VWA5B1: variants seen among roughly 807,000 people sequenced by gnomAD.
The protein encoded by VWA5B1 is von Willebrand factor A domain-containing protein 5B1.
VWA5B1 carries 115 observed loss-of-function variants against 118.2 expected under a neutral mutation model. That is an observed-to-expected ratio of 0.97 (90% CI 0.84 to 1.14). The LOEUF (loss-of-function observed/expected upper bound fraction) is 1.14. Among genes scored for constraint, VWA5B1 ranks in the 50% most tolerant of loss-of-function variants. VWA5B1 has a pLI of 0.00. For synonymous variants in VWA5B1, 682 were observed against 658.4 expected (o/e 1.04, Z -0.55); for missense variants, 1,596 against 1,603.8 (o/e 1.00, Z 0.08).
chr1:20,337,968 T>A (rs2089769426), intron 14 of VWA5B1, 132 bp downstream of exon 14: 5 of 1,172,874 alleles, frequency 4.3e-6, no homozygotes, highest in Non-Finnish European at 6.2e-6. Context: ...CCTCTTTCCT[T>A]CCCTAGGCCT....
chr1:20,290,969 G>C lies in VWA5B1; in HGVS notation c.-146G>C, dbSNP rs1023936352. ...CAGCTGCCAGGGCAGCGGGCGCAGGGCTTGGGCACTGGAGCCCAGCCCCGG... is the reference window on the plus strand; with the variant it reads ...CAGCTGCCAGGGCAGCGGGCGCAGGCCTTGGGCACTGGAGCCCAGCCCCGG... On this transcript the variant is annotated 5_prime_UTR_variant, in exon 1 of 22. Coordinates refer to ENST00000289815, the MANE Select transcript of VWA5B1 (RefSeq NM_001039500.3). 2 of 152,230 alleles carry C rather than the reference G, an allele frequency of 1.3e-5. No homozygotes were observed. Among genetic ancestry groups the C allele is most frequent in the African/African-American group, 4.8e-5 (2 of 41,576 alleles). 9.4% of individuals were successfully genotyped at this position (152,230 alleles called of 1,614,324 possible).
Position 20,312,782 on chromosome 1 carries a change from G to T in VWA5B1, c.140-54G>T, listed in dbSNP as rs761867354. On this transcript the variant is annotated intron_variant, in intron 2 of 21. Coordinates refer to ENST00000289815, the MANE Select transcript of VWA5B1 (RefSeq NM_001039500.3). ...AGGGTTCAGGTTCCTTCCAGGCAAGGGGTGTGCAGGGTAGGCCTGGGGCAC... is the reference window on the plus strand; with the variant it reads ...AGGGTTCAGGTTCCTTCCAGGCAAGTGGTGTGCAGGGTAGGCCTGGGGCAC... 3 of 1,492,310 alleles carry T rather than the reference G, an allele frequency of 2.0e-6. No homozygotes were observed. In the Admixed American group the frequency reaches 6.5e-5, roughly 32 times the overall value. 92.4% of individuals were successfully genotyped at this position (1,492,310 alleles called of 1,614,324 possible). A position where few individuals can be genotyped will look rare whatever the true frequency, so the allele number is the denominator to read the frequency against.
rs946211432 is a variant in VWA5B1 at position 20,356,167 on chromosome 1, G to C, written c.*1904G>C. ...GCAGCAGCCTCAGCTTCAGGGTAAG[G>C]GTGGCCGGGGGTGGCATCTACTTCC... On this transcript the variant is annotated 3_prime_UTR_variant, in exon 22 of 22. Coordinates refer to ENST00000289815, the MANE Select transcript of VWA5B1 (RefSeq NM_001039500.3). Among the ~76,000 whole-genome samples, 4 of 152,172 alleles carry C rather than the reference G, an allele frequency of 2.6e-5. No homozygotes were observed. Among genetic ancestry groups the C allele is most frequent in the Non-Finnish European group, 4.4e-5 (3 of 68,032 alleles).
chr1:20,346,751 C>T (rs1225442665), intron 17 of VWA5B1, among the ~76,000 whole-genome samples: 2 of 152,152 alleles, frequency 1.3e-5, no homozygotes, highest in African/African-American at 4.8e-5. Context: ...ACTATTTGTG[C>T]TTTTTTTGTT....
At position 20,312,902 on chromosome 1, in the gene VWA5B1, G is replaced by A. The variant is rs771288297; in HGVS notation, c.206G>A (p.Arg69His). The A allele has an allele frequency of 2.5e-5, 39 of 1,551,574 alleles. No homozygotes were observed. The highest frequency in any genetic ancestry group is 1.9e-4 in the South Asian group (16 of 84,054). The change falls in exon 3 of 22, where the codon CGT becomes CAT. Residue 69 changes from arginine (R) to histidine (H), a missense_variant. Transcript: ENST00000289815. ...GGCTTTGAGGCAGTCATTGCCGACC[G>A]TGTCGTGACAGTACAGATCAAGGAC... ...VIGFEAVIAD[R>H]VVTVQIKDKA... is the part of the protein sequence containing the mutation.
At chr1:20,301,960 C>A (rs1415927780) in intron 1 of VWA5B1, among the ~76,000 whole-genome samples, 1 of 152,206 alleles carries the variant, frequency 6.6e-6, no homozygotes, top group Admixed American at 6.5e-5. Flanking sequence ...AAACCACTTC[C>A]TCGTTGATCT....
intron 1 of VWA5B1, among the ~76,000 whole-genome samples, chr1:20,302,611 C>G (rs1270758885): frequency 6.6e-6 from 1 of 152,186 alleles, no homozygotes; most frequent in East Asian, 1.9e-4. Flanking sequence ...CTAGCAGTGT[C>G]TGGCACAGAG....
At chr1:20,340,875 T>C (rs910848161) in intron 14 of VWA5B1, among the ~76,000 whole-genome samples, 1 of 152,250 alleles carries the variant, frequency 6.6e-6, no homozygotes, top group African/African-American at 2.4e-5. Context: ...GTATTTTTAA[T>C]AATCACATAT....
At chr1:20,352,316 T>C (rs1454766764) in intron 21 of VWA5B1, 144 bp downstream of exon 21, 2 of 633,530 alleles carry the variant, frequency 3.2e-6, no homozygotes, top group Non-Finnish European at 5.3e-6. Context: ...GTTTTGAGGT[T>C]TCCTAGAGCT....
Position 20,354,454 on chromosome 1 carries a change from G to T in VWA5B1, c.*191G>T. On this transcript the variant is annotated 3_prime_UTR_variant, in exon 22 of 22. Coordinates refer to ENST00000289815, the MANE Select transcript of VWA5B1 (RefSeq NM_001039500.3). ...CTACCATCCAGCCATGCAACTTTAG[G>T]CCAGTGCCTGCCCCCGTCTGGGCCT... The T allele has an allele frequency of 1.5e-6, 1 of 671,638 alleles. No individual in the cohort carries two copies. The allele number at this position is 671,638 out of a possible 1,614,324, so 41.6% of individuals were successfully genotyped here. A position where few individuals can be genotyped will look rare whatever the true frequency, so the allele number is the denominator to read the frequency against.
In VWA5B1 at chr1:20,314,314, G is replaced by T; in HGVS notation, c.293-8G>T. 6.4e-7 allele frequency: 1 copy of T among 1,551,596 alleles called. No individual in the cohort carries two copies. The highest frequency in any genetic ancestry group is 8.7e-7 in the Non-Finnish European group (1 of 1,146,848). On this transcript the variant is annotated splice_region_variant and splice_polypyrimidine_tract_variant and intron_variant, in intron 3 of 21. Coordinates refer to ENST00000289815, the MANE Select transcript of VWA5B1 (RefSeq NM_001039500.3). ...ATGTACAGCCCCTGACGCCAGCCTG[G>T]CACTTAGGGAACATTCTGCAAGACG...
At chr1:20,339,159 G>A (rs2089807015) in intron 14 of VWA5B1, 1 of 152,230 alleles carries the variant, frequency 6.6e-6, no homozygotes, top group Non-Finnish European at 1.5e-5. Flanking sequence ...AAAAATGTCT[G>A]CAGACACTGC....
chr1:20,318,301 T>C (rs2089089612), intron 5 of VWA5B1: 2 of 447,962 alleles, frequency 4.5e-6, no homozygotes, highest in African/African-American at 4.0e-5. Flanking sequence ...AGCCATCTGC[T>C]TGGCAGGATG....
chr1:20,314,706 T>C, intron 4 of VWA5B1, 114 bp downstream of exon 4: 1 of 1,462,336 alleles, frequency 6.8e-7, no homozygotes, highest in East Asian at 2.5e-5. Flanking sequence ...GGGGAGGCTC[T>C]GCTCTACGAT....
chr1:20,334,361 G>C (rs1385639145), intron 12 of VWA5B1, among the ~76,000 whole-genome samples: 1 of 152,114 alleles, frequency 6.6e-6, no homozygotes, highest in Non-Finnish European at 1.5e-5. Flanking sequence ...CACTAGAAGG[G>C]ACTGGACGCA....
At chr1:20,343,531 T>C (rs2089936452) in intron 16 of VWA5B1, 138 bp downstream of exon 16, 1 of 1,342,410 alleles carries the variant, frequency 7.4e-7, no homozygotes, top group East Asian at 2.7e-5. Flanking sequence ...TCCCGGGTCC[T>C]ACCCCACCCC....
chr1:20,327,252 C>A (rs908324960), intron 8 of VWA5B1, among the ~76,000 whole-genome samples: 1 of 152,196 alleles, frequency 6.6e-6, no homozygotes, highest in Non-Finnish European at 1.5e-5. Flanking sequence ...GTGCCTCAAT[C>A]TTCTCTTCTA....
At chr1:20,300,811 A>AC (rs1282765363) in intron 1 of VWA5B1, among the ~76,000 whole-genome samples, 1 of 152,190 alleles carries the variant, frequency 6.6e-6, no homozygotes, top group Non-Finnish European at 1.5e-5. Context: ...TACAGTTTTG[A>AC]CCCCTACCCC....
At chr1:20,350,350 C>A (rs2090104009) in intron 19 of VWA5B1, 120 bp downstream of exon 19, 2 of 1,107,670 alleles carry the variant, frequency 1.8e-6, no homozygotes, top group South Asian at 2.8e-5. Context: ...TCAAAGCAGC[C>A]GTCTGCATGG....
Sources: allele counts gnomAD v4.1 joint callset (sites outside exome capture counted in the v4.1 genomes callset), GRCh38; gene constraint gnomAD v4.1.1; transcripts MANE v1.5; gene names NCBI Gene and HGNC (gene_info 2026-07-23, HGNC 2026-07-21).